Variants in SCFD1 observed in about 807,000 individuals in gnomAD.
SCFD1 encodes the protein sec1 family domain-containing protein 1.
In SCFD1, 37 loss-of-function variants were observed where a neutral mutation model predicts 103.2. The observed-to-expected ratio is 0.36, with a 90% CI of 0.28 to 0.47. The LOEUF is 0.47. Among genes scored for constraint, SCFD1 ranks in the 20% least tolerant of loss-of-function variants. The pLI is 1.00. For synonymous variants in SCFD1, 264 were observed against 245.0 expected, an observed-to-expected ratio of 1.08 and a Z score of -0.73; for missense variants, 639 against 761.2, an observed-to-expected ratio of 0.84 and a Z score of 1.89.
intron 5 of SCFD1, among the ~76,000 whole-genome samples, chr14:30,639,194 T>C (rs1465173068): frequency 6.6e-6 from 1 of 152,160 alleles, no homozygotes; most frequent in Non-Finnish European, 1.5e-5. Flanking sequence ...TTTTAATATG[T>C]TGCCCAGGTC....
chr14:30,718,950 A>G (rs1055982826), intron 20 of SCFD1, among the ~76,000 whole-genome samples: 4 of 152,226 alleles, frequency 2.6e-5, no homozygotes, highest in Non-Finnish European at 4.4e-5. Flanking sequence ...ACTCCAGAAG[A>G]GAATTAGTTT....
At chr14:30,724,072 TAAAAAAAAAAAA>T (rs59654790) in intron 23 of SCFD1, among the ~76,000 whole-genome samples, 2 of 91,350 alleles carry the variant, frequency 2.2e-5, no homozygotes, top group African/African-American at 5.1e-5. Flanking sequence ...ACCAGTATCT[TAAAAAAAAAAAA>T]AAAAAAAAAA....
intron 6 of SCFD1, among the ~76,000 whole-genome samples, chr14:30,641,683 C>A (rs538792043): frequency 1.3e-5 from 2 of 151,914 alleles, no homozygotes; most frequent in African/African-American, 2.4e-5. Flanking sequence ...ATTTGCAACA[C>A]CTGAGTAATG....
intron 24 of SCFD1, chr14:30,735,226 C>T (rs925247935): frequency 3.4e-6 from 1 of 294,312 alleles, no homozygotes; most frequent in Non-Finnish European, 6.3e-6. Flanking sequence ...ATCAATTGAA[C>T]GTTACCTAAT....
chr14:30,633,944 T>G lies in SCFD1; in HGVS notation c.222-3T>G, dbSNP rs1390672714. On this transcript the variant is annotated splice_region_variant and splice_polypyrimidine_tract_variant and intron_variant, in intron 3 of 24. Transcript: ENST00000458591. ...ATAAGTTTTAGTTCCTTATGTCTTC[T>G]AGGCTTTTACACTCTGATCGAGATC... The G allele has an allele frequency of 6.4e-7, 1 of 1,559,786 alleles. No individual in the cohort carries two copies. Among genetic ancestry groups the G allele is most frequent in the South Asian group, 1.2e-5 (1 of 84,858 alleles).
intron 14 of SCFD1, among the ~76,000 whole-genome samples, chr14:30,680,757 AT>A (rs572919548): frequency 1.3e-3 from 193 of 152,304 alleles, no homozygotes; most frequent in African/African-American, 4.4e-3. Context: ...CAAGACCCCC[AT>A]CTCATAAAAA....
chr14:30,668,044 A>G (rs1888175334), intron 10 of SCFD1, among the ~76,000 whole-genome samples: 1 of 152,174 alleles, frequency 6.6e-6, no homozygotes, highest in African/African-American at 2.4e-5. Context: ...CAGAATTGGA[A>G]AAAAACTAAA....
intron 23 of SCFD1, among the ~76,000 whole-genome samples, chr14:30,727,187 G>C (rs1489086354): frequency 6.6e-6 from 1 of 152,100 alleles, no homozygotes; most frequent in African/African-American, 2.4e-5. Flanking sequence ...AGGTACATAG[G>C]CATTAGAGCA....
intron 15 of SCFD1, among the ~76,000 whole-genome samples, chr14:30,699,763 C>A (rs1250166306): frequency 6.6e-6 from 1 of 152,146 alleles, no homozygotes; most frequent in Non-Finnish European, 1.5e-5. Context: ...CCTAGGGTGA[C>A]CATACATCTG....
At chr14:30,650,675 G>T in intron 9 of SCFD1, 25 bp downstream of exon 9, 1 of 1,271,822 alleles carries the variant, frequency 7.9e-7, no homozygotes, top group Non-Finnish European at 1.1e-6. Flanking sequence ...AAATACACTT[G>T]TAAGACTTTA....
At chr14:30,673,203 C>A in intron 11 of SCFD1, 54 bp from the exon 12 acceptor site, 3 of 781,648 alleles carry the variant, frequency 3.8e-6, no homozygotes, top group Non-Finnish European at 6.2e-6. Context: ...AGAATTTACA[C>A]AAAAATTGGT....
intron 10 of SCFD1, among the ~76,000 whole-genome samples, chr14:30,657,887 A>G (rs1456964927): frequency 6.6e-6 from 1 of 152,164 alleles, no homozygotes; most frequent in African/African-American, 2.4e-5. Context: ...GAACTTACAA[A>G]CAACTATGAA....
chr14:30,720,740 A>G (rs540213992), intron 21 of SCFD1, among the ~76,000 whole-genome samples: 1 of 152,234 alleles, frequency 6.6e-6, no homozygotes, highest in South Asian at 2.1e-4. Context: ...AGTATATAGG[A>G]AGATGTGAGT....
intron 10 of SCFD1, 46 bp downstream of exon 10, chr14:30,653,634 C>T: frequency 8.0e-7 from 1 of 1,244,242 alleles, no homozygotes; most frequent in South Asian, 1.3e-5. Context: ...TAGTAACATG[C>T]AGTGTTCCCT....
chr14:30,726,864 A>G (rs1210178865), intron 23 of SCFD1, among the ~76,000 whole-genome samples: 1 of 152,208 alleles, frequency 6.6e-6, no homozygotes, highest in African/African-American at 2.4e-5. Flanking sequence ...GGCTTACCAT[A>G]GGACTCATAG....
chr14:30,720,494 C>T (rs1290901069), intron 21 of SCFD1, among the ~76,000 whole-genome samples: 2 of 152,100 alleles, frequency 1.3e-5, no homozygotes, highest in African/African-American at 4.8e-5. Context: ...AGTAGATATA[C>T]AGTTAGCCCT....
At chr14:30,720,913 T>C (rs1416802689) in intron 21 of SCFD1, among the ~76,000 whole-genome samples, 1 of 152,176 alleles carries the variant, frequency 6.6e-6, no homozygotes. Context: ...TAATGTAGTT[T>C]ATGCATGGTA....
In SCFD1 at chr14:30,670,244, A is replaced by G; in HGVS notation, c.856-12A>G. ...GAAAACAGTTGTTTAACACAAGATT[A>G]CTTTTTCCTAGGATTTCCATTTAAA... On this transcript the variant is annotated splice_polypyrimidine_tract_variant and intron_variant, in intron 10 of 24. Coordinates refer to ENST00000458591, the MANE Select transcript of SCFD1 (RefSeq NM_016106.4). 1.9e-6 allele frequency: 3 copies of G among 1,567,532 alleles called. No homozygotes were observed. The highest frequency in any genetic ancestry group is 2.6e-6 in the Non-Finnish European group (3 of 1,159,440).
intron 14 of SCFD1, 137 bp from the exon 15 acceptor site, chr14:30,694,636 T>G: frequency 3.1e-6 from 4 of 1,275,590 alleles, no homozygotes; most frequent in Non-Finnish European, 4.1e-6. Flanking sequence ...GCCTGGTACT[T>G]CTGAACTGTA....
Sources: allele counts gnomAD v4.1 joint callset (sites outside exome capture counted in the v4.1 genomes callset), GRCh38; gene constraint gnomAD v4.1.1; transcripts MANE v1.5; gene names NCBI Gene and HGNC (gene_info 2026-07-23, HGNC 2026-07-21).